ARHGAP10: variants seen among roughly 807,000 people sequenced by gnomAD.
ARHGAP10 encodes the protein rho GTPase-activating protein 10.
In ARHGAP10, 87 loss-of-function variants were observed where a neutral mutation model predicts 108.6. The observed-to-expected ratio is 0.80, with a 90% CI of 0.67 to 0.96. The LOEUF is 0.96. ARHGAP10 is among the 40% of genes least tolerant of loss of function. The probability of loss-of-function intolerance (pLI) is 0.00; values close to 1 mark genes in which losing one functional copy is unlikely to be tolerated. For missense variants in ARHGAP10, 939 were observed against 954.5 expected (o/e 0.98, Z 0.21); for synonymous variants, 347 against 341.1 (o/e 1.02, Z -0.19).
At chr4:148,016,311 C>T (rs1741344761) in intron 18 of ARHGAP10, among the ~76,000 whole-genome samples, 1 of 152,078 alleles carries the variant, frequency 6.6e-6, no homozygotes, top group East Asian at 1.9e-4. Context: ...TGAGATTAGC[C>T]TGGGTAACAA....
intron 3 of ARHGAP10, among the ~76,000 whole-genome samples, chr4:147,836,603 C>T (rs1733179148): frequency 1.3e-5 from 2 of 151,830 alleles, no homozygotes; most frequent in African/African-American, 4.8e-5. Context: ...TAATTTATAG[C>T]ACCTGAGCAC....
chr4:147,936,317 C>CTTTTTTTTT (rs765432394), intron 13 of ARHGAP10, among the ~76,000 whole-genome samples: 1 of 97,850 alleles, frequency 1.0e-5, no homozygotes, highest in East Asian at 3.1e-4. Flanking sequence ...CTTTTCCTCT[C>CTTTTTTTTT]TTTTTTTTTT....
chr4:147,755,196 T>G (rs1729317442), intron 1 of ARHGAP10, among the ~76,000 whole-genome samples: 1 of 151,984 alleles, frequency 6.6e-6, no homozygotes, highest in African/African-American at 2.4e-5. Context: ...ACATTTGAAG[T>G]TTTTGTTATT....
chr4:147,950,292 T>C (rs1461626708), intron 15 of ARHGAP10, among the ~76,000 whole-genome samples: 3 of 152,126 alleles, frequency 2.0e-5, no homozygotes. Context: ...ATGCATCAAA[T>C]GGGATAAAAC....
intron 20 of ARHGAP10, among the ~76,000 whole-genome samples, chr4:148,060,814 G>C (rs1309839003): frequency 2.0e-5 from 3 of 152,138 alleles, no homozygotes; most frequent in Non-Finnish European, 4.4e-5. Context: ...GGTAATCTTG[G>C]TGAACCGGTT....
intron 1 of ARHGAP10, among the ~76,000 whole-genome samples, chr4:147,733,679 A>T (rs1028617943): frequency 7.9e-5 from 12 of 152,220 alleles, no homozygotes. Context: ...TGTCTCGGGC[A>T]CCCAGCATGG....
intron 1 of ARHGAP10, among the ~76,000 whole-genome samples, chr4:147,747,647 G>T (rs950516608): frequency 1.3e-5 from 2 of 152,014 alleles, no homozygotes; most frequent in African/African-American, 4.8e-5. Context: ...TTGGTGTCCT[G>T]TTTTTTTGTG....
At chr4:147,854,313 C>A (rs1234221189) in intron 4 of ARHGAP10, among the ~76,000 whole-genome samples, 2 of 152,158 alleles carry the variant, frequency 1.3e-5, no homozygotes, top group African/African-American at 4.8e-5. Flanking sequence ...ACATGGCCAA[C>A]ATACTGGGCT....
chr4:147,797,032 A>G (rs970883574), intron 1 of ARHGAP10, among the ~76,000 whole-genome samples: 3 of 152,108 alleles, frequency 2.0e-5, no homozygotes, highest in African/African-American at 7.2e-5. Flanking sequence ...TTGGTTTGGA[A>G]GGACAGTGAT....
At chr4:147,788,200 A>C (rs1257420134) in intron 1 of ARHGAP10, among the ~76,000 whole-genome samples, 1 of 152,016 alleles carries the variant, frequency 6.6e-6, no homozygotes, top group Admixed American at 6.6e-5. Context: ...TAATCCCAGC[A>C]CTTTGGGAGG....
intron 18 of ARHGAP10, among the ~76,000 whole-genome samples, chr4:147,978,704 T>C (rs1172757994): frequency 2.0e-5 from 3 of 152,178 alleles, no homozygotes; most frequent in Admixed American, 1.3e-4. Flanking sequence ...TTAAGCCCCT[T>C]TTCTTCATAA....
chr4:147,988,010 T>C (rs1407447881), intron 18 of ARHGAP10, among the ~76,000 whole-genome samples: 1 of 152,264 alleles, frequency 6.6e-6, no homozygotes, highest in Non-Finnish European at 1.5e-5. Flanking sequence ...ATACAGAGTG[T>C]GAGGCACTTG....
chr4:147,846,736 T>C (rs191632563), intron 3 of ARHGAP10, among the ~76,000 whole-genome samples: 1 of 152,364 alleles, frequency 6.6e-6, no homozygotes, highest in East Asian at 1.9e-4. Flanking sequence ...GCTACAGTCC[T>C]AGTTCTTTAC....
intron 1 of ARHGAP10, among the ~76,000 whole-genome samples, chr4:147,764,698 C>T (rs1195615811): frequency 6.6e-6 from 1 of 152,010 alleles, no homozygotes. Context: ...CCATGCCCAG[C>T]TGACTTTTGT....
chr4:147,930,483 G>A (rs1219696069), intron 13 of ARHGAP10, among the ~76,000 whole-genome samples: 1 of 152,126 alleles, frequency 6.6e-6, no homozygotes, highest in Non-Finnish European at 1.5e-5. Flanking sequence ...AGATAAGAAA[G>A]AACTTCTTGG....
intron 18 of ARHGAP10, among the ~76,000 whole-genome samples, chr4:148,009,951 C>T (rs1344416172): frequency 6.6e-6 from 1 of 152,116 alleles, no homozygotes; most frequent in Admixed American, 6.5e-5. Flanking sequence ...AGGAACAGTT[C>T]TGTTCCTTAG....
intron 13 of ARHGAP10, among the ~76,000 whole-genome samples, chr4:147,932,491 AT>A: frequency 6.6e-6 from 1 of 152,342 alleles, no homozygotes; most frequent in Non-Finnish European, 1.5e-5. Flanking sequence ...GAATGAGATC[AT>A]GTTCTTTGCA....
chr4:147,861,746 A>G (rs942427857), intron 5 of ARHGAP10: 1 of 152,264 alleles, frequency 6.6e-6, no homozygotes, highest in Non-Finnish European at 1.5e-5. Context: ...CTAGTGGAGG[A>G]GACCCCCAGA....
intron 17 of ARHGAP10, 38 bp from the exon 18 acceptor site, chr4:147,966,642 T>G (rs1739212250): frequency 1.0e-5 from 15 of 1,506,568 alleles, no homozygotes; most frequent in Admixed American, 2.0e-5. Context: ...TTTTTGCTCC[T>G]TTGGTTAAAC....
Sources: gnomAD v4.1 joint callset for allele counts (sites outside exome capture counted in the v4.1 genomes callset) on GRCh38, gnomAD v4.1.1 for gene constraint, MANE v1.5 for transcripts, NCBI Gene and HGNC (gene_info 2026-07-23, HGNC 2026-07-21) for gene names.